The following ACSM4 variants were observed in gnomAD, a reference collection of about 807,000 sequenced individuals.
ACSM4 encodes the protein acyl-coenzyme A synthetase ACSM4, mitochondrial.
Under a neutral mutation model 73.0 loss-of-function variants are expected in ACSM4, and 66 were observed. The observed-to-expected ratio is 0.90, with a 90% confidence interval of 0.74 to 1.11. The LOEUF is 1.11. Ranked by LOEUF, ACSM4 falls within the 50% of genes least tolerant of loss-of-function variation. ACSM4 has a pLI of 0.00. For synonymous variants in ACSM4, 222 were observed against 254.0 expected (o/e 0.87, Z 1.20); for missense variants, 645 against 714.4 (o/e 0.90, Z 1.11).
intron 3 of ACSM4, 38 bp from the exon 4 acceptor site, chr12:7,317,099 C>A (rs1335313387): frequency 6.3e-7 from 1 of 1,585,330 alleles, no homozygotes; most frequent in Non-Finnish European, 8.6e-7. Flanking sequence ...AACTGGTCTG[C>A]CATCTTCCAC....
At chr12:7,315,898 C>T (rs1052993721) in intron 3 of ACSM4, among the ~76,000 whole-genome samples, 1 of 152,180 alleles carries the variant, frequency 6.6e-6, no homozygotes, top group African/African-American at 2.4e-5. Context: ...TTTTCCTGCA[C>T]ATAGCCTCTC....
In ACSM4 at chr12:7,306,534, C is replaced by T; in HGVS notation, c.203C>T (p.Thr68Ile). The part of the protein sequence containing the change: ...VLDQWSQKEK[T>I]GERPANPALW... ...TCTTTTCCATGTGTCCCTGGTCAGA[C>T]AGGGGAGAGACCAGCTAACCCAGCC... Residue 68 changes from threonine (T) to isoleucine (I), a missense_variant and splice_region_variant, in exon 2 of 13, where the codon ACA becomes ATA. Coordinates refer to ENST00000399422, the MANE Select transcript of ACSM4 (RefSeq NM_001080454.2). 6.3e-7 allele frequency: 1 copy of T among 1,588,752 alleles called. No individual in the cohort carries two copies. Among genetic ancestry groups the T allele is most frequent in the Non-Finnish European group, 8.6e-7 (1 of 1,167,712 alleles).
chr12:7,320,755 T>G lies in ACSM4; in HGVS notation c.952T>G (p.Cys318Gly). Residue 318 changes from cysteine to glycine, a missense_variant, in exon 6 of 13, where the codon TGC (cysteine) becomes GGC (glycine). Coordinates refer to ENST00000399422, the MANE Select transcript of ACSM4 (RefSeq NM_001080454.2). Reference protein sequence around the residue: ...TLTTYPITTLCSPPTVYRMLV... With the variant: ...TLTTYPITTLGSPPTVYRMLV... ...TACTACTTATCCCATCACGACCCTG[T>G]GCAGTCCTCCCACTGTGTACCGGAT... 1 of 1,613,800 alleles carries G rather than the reference T, an allele frequency of 6.2e-7. No individual in the cohort carries two copies.
intron 11 of ACSM4, among the ~76,000 whole-genome samples, chr12:7,326,259 G>A (rs1321932379): frequency 1.3e-5 from 2 of 152,094 alleles, no homozygotes; most frequent in Non-Finnish European, 2.9e-5. Flanking sequence ...GTGGAGTGCC[G>A]TGGTGCAGTT....
At chr12:7,305,522 A>C (rs1216819092) in intron 1 of ACSM4, among the ~76,000 whole-genome samples, 5 of 152,218 alleles carry the variant, frequency 3.3e-5, no homozygotes, top group Admixed American at 3.3e-4. Flanking sequence ...AATCCCCATA[A>C]CAACCTGGGA....
rs115627283 is a variant in ACSM4 at position 7,321,072 on chromosome 12, G to C, written c.1001+268G>C. 7.3e-3 allele frequency among the ~76,000 whole-genome samples: 1,111 copies of C among 152,176 alleles called. 16 individuals are homozygous for C. Among genetic ancestry groups the C allele is most frequent in the African/African-American group, 0.026 (1,065 of 41,516 alleles). ...CCCTAGACACTGCCGAATGTCTTCTGGGGGGCAAAACTGTTCCCTAGTCTA... is the reference window on the plus strand; with the variant it reads ...CCCTAGACACTGCCGAATGTCTTCTCGGGGGCAAAACTGTTCCCTAGTCTA... On this transcript the variant is annotated intron_variant, in intron 6 of 12. Transcript: ENST00000399422.
chr12:7,323,753 A>C (rs1946482380), intron 9 of ACSM4, among the ~76,000 whole-genome samples, 193 bp downstream of exon 9: 1 of 152,232 alleles, frequency 6.6e-6, no homozygotes, highest in Non-Finnish European at 1.5e-5. Flanking sequence ...TGCAGTGGTT[A>C]TCCTCAGAAA....
intron 3 of ACSM4, among the ~76,000 whole-genome samples, chr12:7,312,059 A>G (rs1021263884): frequency 3.3e-5 from 5 of 152,236 alleles, no homozygotes; most frequent in African/African-American, 4.8e-5. Flanking sequence ...CTATGTAACA[A>G]CAGCAGAGTG....
Position 7,306,842 on chromosome 12 carries a change from G to A in ACSM4, c.412+99G>A, listed in dbSNP as rs896531040. ...AGCTCTGATTAAAAGTATGCATACA[G>A]AAGACAAAAAAAAAAAAAAAAAGAA... On this transcript the variant is annotated intron_variant, in intron 2 of 12. Coordinates refer to ENST00000399422, the MANE Select transcript of ACSM4 (RefSeq NM_001080454.2). The A allele has an allele frequency of 4.2e-3, 1,902 of 453,786 alleles. 3 individuals are homozygous for A. The highest frequency in any genetic ancestry group is 0.036 in the South Asian group (417 of 11,566). The allele number at this position is 453,786 out of a possible 1,614,324, so 28.1% of individuals were successfully genotyped here. A position where few individuals can be genotyped will look rare whatever the true frequency, so the allele number is the denominator to read the frequency against.
chr12:7,306,983 G>C (rs1412576474), intron 2 of ACSM4, among the ~76,000 whole-genome samples: 3 of 152,152 alleles, frequency 2.0e-5, no homozygotes, highest in Non-Finnish European at 4.4e-5. Context: ...TGCCGGGCGT[G>C]GTGGCTCACG....
At chr12:7,325,993 T>A (rs766346527) in intron 11 of ACSM4, among the ~76,000 whole-genome samples, 1 of 152,324 alleles carries the variant, frequency 6.6e-6, no homozygotes, top group Non-Finnish European at 1.5e-5. Flanking sequence ...CACCATGTTC[T>A]TATTCTCTCA....
At chr12:7,309,965 G>C (rs1415929720) in intron 2 of ACSM4, among the ~76,000 whole-genome samples, 1 of 151,958 alleles carries the variant, frequency 6.6e-6, no homozygotes, top group Non-Finnish European at 1.5e-5. Context: ...TGTATTTTTA[G>C]TACAGACAGG....
intron 3 of ACSM4, among the ~76,000 whole-genome samples, chr12:7,312,924 C>A (rs777839052): frequency 1.3e-5 from 2 of 152,146 alleles, no homozygotes; most frequent in South Asian, 4.2e-4. Flanking sequence ...TTTTAACATA[C>A]CCCCAATACA....
intron 1 of ACSM4, among the ~76,000 whole-genome samples, chr12:7,305,590 C>T (rs1471166555): frequency 6.6e-6 from 1 of 152,166 alleles, no homozygotes; most frequent in East Asian, 1.9e-4. Context: ...CAAGGCCACA[C>T]AGGTCCAACA....
intron 3 of ACSM4, among the ~76,000 whole-genome samples, chr12:7,313,918 TG>T (rs1946403973): frequency 6.6e-6 from 1 of 152,136 alleles, no homozygotes; most frequent in South Asian, 2.1e-4. Flanking sequence ...AAGCCATTGA[TG>T]GGTTTTAAGA....
intron 2 of ACSM4, among the ~76,000 whole-genome samples, chr12:7,307,119 T>C (rs1296513635): frequency 1.3e-5 from 2 of 152,024 alleles, no homozygotes; most frequent in Non-Finnish European, 2.9e-5. Flanking sequence ...CCAGTTGTGG[T>C]GGTGTGTGCC....
At position 7,318,065 on chromosome 12, in the gene ACSM4, T is replaced by C. The variant is rs1166992441; in HGVS notation, c.804T>C (p.Asn268=). 1.2e-6 allele frequency: 2 copies of C among 1,613,694 alleles called. No homozygotes were observed. The highest frequency in any genetic ancestry group is 2.7e-5 in the African/African-American group (2 of 74,908). ...TGAAGTCCTCAGATATCATATGGAA[T>C]ATGTCTGACACGGGCTGGGTCAAGG... is the stretch of plus-strand genomic sequence containing the variant. ...LDLKSSDIIW[N]MSDTGWVKAA... Residue 268 remains asparagine (N), a synonymous_variant, in exon 5 of 13, where the codon AAT becomes AAC. Transcript: ENST00000399422.
At chr12:7,322,659 T>G in intron 7 of ACSM4, 118 bp downstream of exon 7, 6,043 of 967,676 alleles carry the variant, frequency 6.2e-3, no homozygotes, top group Non-Finnish European at 8.0e-3. Context: ...TTTCCCGGGA[T>G]ACCTCACCTT....
intron 3 of ACSM4, among the ~76,000 whole-genome samples, chr12:7,312,351 T>C (rs1946395889): frequency 6.6e-6 from 1 of 152,172 alleles, no homozygotes; most frequent in South Asian, 2.1e-4. Flanking sequence ...GTAAATTAAA[T>C]GAATATGTGA....
Sources: gnomAD v4.1 joint callset for allele counts (sites outside exome capture counted in the v4.1 genomes callset) on GRCh38, gnomAD v4.1.1 for gene constraint, MANE v1.5 for transcripts, NCBI Gene and HGNC (gene_info 2026-07-23, HGNC 2026-07-21) for gene names.